The following ANXA2 variants were observed in gnomAD, a reference collection of about 807,000 sequenced individuals.
ANXA2 encodes the protein annexin A2.
In ANXA2, 28 loss-of-function variants were observed where a neutral mutation model predicts 47.3. The ratio of observed to expected loss-of-function variants is 0.59; its 90% CI spans 0.44 to 0.81. The LOEUF (loss-of-function observed/expected upper bound fraction) is 0.81, where lower values mean the gene tolerates loss of function less well. ANXA2 is among the 40% of genes least tolerant of loss of function. The pLI is 0.00. For missense variants in ANXA2, 384 were observed against 414.3 expected (o/e 0.93, Z 0.64); for synonymous variants, 172 against 155.5 (o/e 1.11, Z -0.79).
chr15:60,367,263 A>G (rs1274644858), intron 3 of ANXA2, among the ~76,000 whole-genome samples: 3 of 83,438 alleles, frequency 3.6e-5, no homozygotes, highest in Admixed American at 1.3e-4. Flanking sequence ...TCCGGGAGGG[A>G]GGTGGGGGGA....
At chr15:60,391,164 C>CA (rs1356994963) in intron 1 of ANXA2, 2 of 152,282 alleles carry the variant, frequency 1.3e-5, no homozygotes, top group Non-Finnish European at 2.9e-5. Context: ...AGTCCAGGGT[C>CA]ACCCAGTGAA....
chr15:60,381,788 A>G (rs2062863506), intron 3 of ANXA2, among the ~76,000 whole-genome samples: 1 of 152,108 alleles, frequency 6.6e-6, no homozygotes, highest in Admixed American at 6.6e-5. Context: ...AGCAAATGTA[A>G]TTAAATTAAA....
At chr15:60,365,865 T>TCCCCC (rs1317755286) in intron 3 of ANXA2, among the ~76,000 whole-genome samples, 30 of 44,416 alleles carry the variant, frequency 6.8e-4, no homozygotes, top group Middle Eastern at 0.015. Context: ...CCCCTCCCCC[T>TCCCCC]CCCTCTCCCT....
At chr15:60,359,996 C>T (rs1014680909) in intron 5 of ANXA2, among the ~76,000 whole-genome samples, 1 of 152,228 alleles carries the variant, frequency 6.6e-6, no homozygotes, top group African/African-American at 2.4e-5. Flanking sequence ...GTGGCTCACG[C>T]CTGTAATCCT....
chr15:60,397,017 A>C (rs2063088963), intron 1 of ANXA2, among the ~76,000 whole-genome samples: 1 of 152,214 alleles, frequency 6.6e-6, no homozygotes, highest in Admixed American at 6.5e-5. Flanking sequence ...GGTGGTAAGA[A>C]TAGGCATCCT....
intron 5 of ANXA2, among the ~76,000 whole-genome samples, chr15:60,359,090 A>C (rs935618371): frequency 4.6e-5 from 7 of 152,104 alleles, no homozygotes; most frequent in African/African-American, 1.2e-4. Context: ...ATTTTTTTTT[A>C]AGCATAGTTC....
At chr15:60,396,831 G>A (rs372978542) in intron 1 of ANXA2, among the ~76,000 whole-genome samples, 1 of 152,130 alleles carries the variant, frequency 6.6e-6, no homozygotes, top group Admixed American at 6.5e-5. Context: ...ATGGCCCAGC[G>A]TGCACCCATG....
intron 3 of ANXA2, among the ~76,000 whole-genome samples, chr15:60,376,414 C>T (rs796219575): frequency 4.6e-5 from 7 of 151,846 alleles, no homozygotes; most frequent in African/African-American, 1.7e-4. Flanking sequence ...ACGACAGATG[C>T]CATAACAGCT....
At chr15:60,382,233 C>G (rs533776288) in intron 3 of ANXA2, 109 bp downstream of exon 3, 6 of 776,044 alleles carry the variant, frequency 7.7e-6, no homozygotes, top group Middle Eastern at 2.7e-4. Context: ...CATTAAAGCT[C>G]GATGACAATT....
intron 4 of ANXA2, among the ~76,000 whole-genome samples, chr15:60,363,610 G>A (rs1595676133): frequency 6.6e-6 from 1 of 152,242 alleles, no homozygotes; most frequent in African/African-American, 2.4e-5. Flanking sequence ...TCCTACAACT[G>A]ACAAAATAAA....
intron 8 of ANXA2, among the ~76,000 whole-genome samples, chr15:60,353,193 ACTTT>A (rs1207101389): frequency 2.6e-5 from 4 of 152,244 alleles, no homozygotes; most frequent in African/African-American, 9.6e-5. Context: ...TTTATGACTT[ACTTT>A]GAGATAATCG....
chr15:60,361,110 A>G, intron 4 of ANXA2, 56 bp from the exon 5 acceptor site: 2 of 1,226,614 alleles, frequency 1.6e-6, no homozygotes, highest in South Asian at 1.2e-5. Flanking sequence ...AAAACTAGTG[A>G]GTAAAACAAA....
At chr15:60,386,845 T>C (rs1348112031) in intron 1 of ANXA2, 1 of 152,166 alleles carries the variant, frequency 6.6e-6, no homozygotes, top group East Asian at 1.9e-4. Context: ...GAGTGCTCAA[T>C]TGGTGGTAAA....
intron 1 of ANXA2, chr15:60,392,942 TAAAA>T (rs60755565): frequency 0.04 from 36,480 of 905,280 alleles, 1 homozygote; most frequent in South Asian, 0.08. Context: ...AATTTTAAAC[TAAAA>T]AAAAAAAAAA....
intron 3 of ANXA2, among the ~76,000 whole-genome samples, chr15:60,376,767 G>A (rs1326844356): frequency 6.6e-6 from 1 of 152,166 alleles, no homozygotes; most frequent in Non-Finnish European, 1.5e-5. Context: ...ACAGGTCTCT[G>A]ACCAGCTCTA....
At chr15:60,393,286 T>A (rs1431220375) in intron 1 of ANXA2, 2 of 1,024,072 alleles carry the variant, frequency 2.0e-6, no homozygotes, top group Non-Finnish European at 2.3e-6. Context: ...GGTATCCTGA[T>A]CTGGGGTTGG....
chr15:60,361,590 T>G (rs2062515051), intron 4 of ANXA2: 2 of 155,958 alleles, frequency 1.3e-5, no homozygotes, highest in African/African-American at 4.8e-5. Flanking sequence ...GAAACTTTCC[T>G]ATGCAAAACA....
Position 60,357,348 on chromosome 15 carries a change from T to C in ANXA2, c.358-112A>G, listed in dbSNP as rs368485895. 2,981 of 781,828 alleles carry C rather than the reference T, an allele frequency of 3.8e-3. 76 individuals are homozygous for C. The South Asian group carries it at 0.045, about 12-fold the overall frequency. The allele number at this position is 781,828 out of a possible 1,614,324, so 48.4% of individuals were successfully genotyped here. A position where few individuals can be genotyped will look rare whatever the true frequency, so the allele number is the denominator to read the frequency against. On this transcript the variant is annotated intron_variant, in intron 5 of 12. Transcript: ENST00000451270. Reference sequence around the variant, plus strand: ...ACATGGATTGGGTCTGTTAGCATCCTGCTTTCTACATTCCTTCTGAAGAAT... The same window carrying C: ...ACATGGATTGGGTCTGTTAGCATCCCGCTTTCTACATTCCTTCTGAAGAAT...
At chr15:60,357,100 C>T (rs1469360376) in intron 6 of ANXA2, 46 bp downstream of exon 6, 3 of 1,571,310 alleles carry the variant, frequency 1.9e-6, no homozygotes, top group African/African-American at 2.7e-5. Context: ...GATAGAGTCA[C>T]ATAAATTGGG....
Sources: allele counts gnomAD v4.1 joint callset (sites outside exome capture counted in the v4.1 genomes callset), GRCh38; gene constraint gnomAD v4.1.1; transcripts MANE v1.5; gene names NCBI Gene and HGNC (gene_info 2026-07-23, HGNC 2026-07-21).